Variants in TAFA1 observed in about 807,000 individuals in gnomAD.
TAFA1 encodes chemokine-like protein TAFA-1.
Under a neutral mutation model 18.5 loss-of-function variants are expected in TAFA1, and 4 were observed. The ratio of observed to expected loss-of-function variants is 0.22; its 90% CI spans 0.11 to 0.49. The LOEUF is 0.49. Ranked by LOEUF, TAFA1 falls within the 20% of genes least tolerant of loss-of-function variation. The probability of loss-of-function intolerance (pLI) is 0.98; values close to 1 mark genes in which losing one functional copy is unlikely to be tolerated. For synonymous variants in TAFA1, 56 were observed against 55.2 expected, an observed-to-expected ratio of 1.01 and a Z score of -0.06; for missense variants, 147 against 169.0, an observed-to-expected ratio of 0.87 and a Z score of 0.72.
chr3:68,423,815 G>A (rs2071005330), intron 3 of TAFA1, among the ~76,000 whole-genome samples: 1 of 151,882 alleles, frequency 6.6e-6, no homozygotes, highest in African/African-American at 2.4e-5. Flanking sequence ...GTTGTTAGTA[G>A]GGGAGGTCCT....
chr3:68,420,906 C>T (rs1186653013), intron 3 of TAFA1, among the ~76,000 whole-genome samples: 2 of 152,160 alleles, frequency 1.3e-5, no homozygotes, highest in Non-Finnish European at 1.5e-5. Flanking sequence ...TTCCCTCTCT[C>T]TTAAAGAAGA....
intron 2 of TAFA1, among the ~76,000 whole-genome samples, chr3:68,415,392 G>C (rs1485903885): frequency 6.6e-6 from 1 of 152,156 alleles, no homozygotes; most frequent in Non-Finnish European, 1.5e-5. Context: ...GGTGCTAATA[G>C]AATGAACAAA....
chr3:68,254,460 A>G (rs1278913042), intron 2 of TAFA1, among the ~76,000 whole-genome samples: 2 of 152,212 alleles, frequency 1.3e-5, no homozygotes, highest in East Asian at 3.9e-4. Flanking sequence ...TAAACCTGGA[A>G]GAAAGATACT....
At chr3:68,448,645 G>C (rs991988136) in intron 3 of TAFA1, among the ~76,000 whole-genome samples, 1 of 151,916 alleles carries the variant, frequency 6.6e-6, no homozygotes, top group Non-Finnish European at 1.5e-5. Flanking sequence ...AGACCCTGTG[G>C]GTCTATCCAC....
intron 2 of TAFA1, among the ~76,000 whole-genome samples, chr3:68,020,330 T>C: frequency 6.6e-6 from 1 of 151,824 alleles, no homozygotes. Flanking sequence ...AACCGGGAGT[T>C]TACATCCCAT....
At chr3:68,361,986 C>T (rs189151168) in intron 2 of TAFA1, among the ~76,000 whole-genome samples, 2 of 152,192 alleles carry the variant, frequency 1.3e-5, no homozygotes, top group African/African-American at 4.8e-5. Flanking sequence ...CAGTCCCCAA[C>T]TTAGCACTAA....
intron 2 of TAFA1, among the ~76,000 whole-genome samples, chr3:68,271,061 CA>C (rs1033391944): frequency 6.6e-6 from 1 of 152,106 alleles, no homozygotes; most frequent in Non-Finnish European, 1.5e-5. Context: ...CTGAAGTTTG[CA>C]AAGTTGTAGC....
chr3:68,118,975 T>G (rs998809069), intron 2 of TAFA1, among the ~76,000 whole-genome samples: 2 of 152,162 alleles, frequency 1.3e-5, no homozygotes, highest in Admixed American at 1.3e-4. Flanking sequence ...GGCAACGTCA[T>G]TTTTCATCCC....
chr3:68,394,767 C>G (rs1047035221), intron 2 of TAFA1, among the ~76,000 whole-genome samples: 1 of 152,032 alleles, frequency 6.6e-6, no homozygotes, highest in Non-Finnish European at 1.5e-5. Flanking sequence ...TGAAACTGAA[C>G]CTCTTCCTTA....
chr3:68,241,329 T>C (rs1334660334), intron 2 of TAFA1, among the ~76,000 whole-genome samples: 1 of 152,160 alleles, frequency 6.6e-6, no homozygotes, highest in Non-Finnish European at 1.5e-5. Context: ...TGATGTTCTG[T>C]AATACTTTTC....
In TAFA1 at chr3:68,540,621, A is replaced by G. The variant is rs1264479429; in HGVS notation, c.384+1741A>G. ...ATTTCCTGCCAAATCTCTTTTCTCT[A>G]TTCTAAAGAACTGATTGCCTTTTAT... On this transcript the variant is annotated intron_variant, in intron 4 of 4. Coordinates refer to ENST00000478136, the MANE Select transcript of TAFA1 (RefSeq NM_213609.4). Among the ~76,000 whole-genome samples, 6 of 152,136 alleles carry G rather than the reference A, an allele frequency of 3.9e-5. No homozygotes were observed. In the East Asian group the frequency reaches 5.8e-4, roughly 15 times the overall value.
intron 2 of TAFA1, among the ~76,000 whole-genome samples, chr3:68,370,795 T>C (rs1391788103): frequency 6.7e-6 from 1 of 149,122 alleles, no homozygotes; most frequent in Non-Finnish European, 1.5e-5. Flanking sequence ...TTTTTTTTTT[T>C]TTTAATTGTC....
intron 3 of TAFA1, among the ~76,000 whole-genome samples, chr3:68,420,755 C>T (rs1383432017): frequency 2.6e-5 from 4 of 152,058 alleles, no homozygotes; most frequent in East Asian, 1.9e-4. Flanking sequence ...ATCCCCACAA[C>T]GAAGAATTCT....
intron 3 of TAFA1, among the ~76,000 whole-genome samples, chr3:68,481,562 A>G (rs907113060): frequency 1.3e-5 from 2 of 152,074 alleles, no homozygotes; most frequent in Non-Finnish European, 1.5e-5. Context: ...ACCCTAACTC[A>G]CTACTTCTCC....
intron 2 of TAFA1, among the ~76,000 whole-genome samples, chr3:68,139,058 A>G (rs907287574): frequency 2.0e-5 from 3 of 152,172 alleles, no homozygotes; most frequent in African/African-American, 4.8e-5. Flanking sequence ...TTTTTGTCCT[A>G]TATTTTAGAT....
rs1575709818 is a variant in TAFA1, at chr3:68,252,284, A to T, written c.119-164996A>T. Among the ~76,000 whole-genome samples the T allele has an allele frequency of 2.0e-5, 3 of 152,138 alleles. No homozygotes were observed. In the East Asian group the frequency reaches 5.8e-4, roughly 29 times the overall value. On this transcript the variant is annotated intron_variant, in intron 2 of 4. Transcript: ENST00000478136. Reference sequence around the variant, plus strand: ...CAAGTCTTGTCTGCTCTCACTTCCCAGGATTCCTGAACCCTCAATGATCCA... The same window carrying T: ...CAAGTCTTGTCTGCTCTCACTTCCCTGGATTCCTGAACCCTCAATGATCCA...
intron 3 of TAFA1, among the ~76,000 whole-genome samples, chr3:68,433,535 T>C (rs2071216912): frequency 1.3e-5 from 2 of 152,108 alleles, no homozygotes; most frequent in South Asian, 4.1e-4. Context: ...GTACAACAAA[T>C]GCTGCATGAA....
Position 68,166,567 on chromosome 3 carries a change from A to T in TAFA1, c.118+159823A>T, listed in dbSNP as rs376944471. 3.3e-5 allele frequency among the ~76,000 whole-genome samples: 5 copies of T among 152,302 alleles called. No individual in the cohort carries two copies. In the South Asian group the frequency reaches 1.0e-3, roughly 32 times the overall value. On this transcript the variant is annotated intron_variant, in intron 2 of 4. Coordinates refer to ENST00000478136, the MANE Select transcript of TAFA1 (RefSeq NM_213609.4). ...GTTGCACAGTGGATAAGAAGACTGC[A>T]GCACAATTCGTACCATAAAGGAAGC...
intron 2 of TAFA1, among the ~76,000 whole-genome samples, chr3:68,383,975 A>C (rs2070035748): frequency 6.6e-6 from 1 of 152,022 alleles, no homozygotes; most frequent in Non-Finnish European, 1.5e-5. Flanking sequence ...AGAGGTATTC[A>C]TAATATTTTC....
Sources: gnomAD v4.1 joint callset for allele counts (sites outside exome capture counted in the v4.1 genomes callset) on GRCh38, gnomAD v4.1.1 for gene constraint, MANE v1.5 for transcripts, NCBI Gene and HGNC (gene_info 2026-07-23, HGNC 2026-07-21) for gene names.